The following ANTXR2 variants were observed in gnomAD, a reference collection of about 807,000 sequenced individuals.
The protein encoded by ANTXR2 is anthrax toxin receptor 2.
A neutral mutation model predicts 73.7 loss-of-function variants in ANTXR2; 44 were observed. The observed-to-expected ratio is 0.60, with a 90% CI of 0.47 to 0.77. The LOEUF (loss-of-function observed/expected upper bound fraction) is 0.77, where lower values mean the gene tolerates loss of function less well. Ranked by LOEUF, ANTXR2 falls within the 30% of genes least tolerant of loss-of-function variation. The pLI, the probability that ANTXR2 is intolerant of heterozygous loss-of-function variation, is 0.00. For synonymous variants in ANTXR2, 217 were observed against 205.9 expected, an observed-to-expected ratio of 1.05 and a Z score of -0.46; for missense variants, 604 against 592.5, an observed-to-expected ratio of 1.02 and a Z score of -0.20.
intron 12 of ANTXR2, among the ~76,000 whole-genome samples, chr4:80,007,711 T>C (rs1184681464): frequency 6.6e-6 from 1 of 152,024 alleles, no homozygotes. Context: ...GCTTTGCAGA[T>C]AGAGAAAGGG....
At chr4:79,987,877 T>C (rs746333210) in intron 12 of ANTXR2, among the ~76,000 whole-genome samples, 2 of 152,040 alleles carry the variant, frequency 1.3e-5, no homozygotes, top group Non-Finnish European at 2.9e-5. Flanking sequence ...CTAAGCTTCA[T>C]AAGTGAAGGG....
chr4:79,973,896 ATAT>A (rs1210932597), intron 16 of ANTXR2, among the ~76,000 whole-genome samples: 2 of 152,232 alleles, frequency 1.3e-5, no homozygotes, highest in African/African-American at 4.8e-5. Flanking sequence ...AAAATAATAA[ATAT>A]TATAAAAAAG....
At chr4:80,008,399 T>C in intron 12 of ANTXR2, 122 bp downstream of exon 12, 1 of 667,584 alleles carries the variant, frequency 1.5e-6, no homozygotes, top group Non-Finnish European at 2.4e-6. Context: ...GTGAAGACAA[T>C]TAAAATTCAT....
At position 79,904,256 on chromosome 4, in the gene ANTXR2, A is replaced by C. The variant is rs1411941289; in HGVS notation, c.*3173T>G. Reference sequence around the variant, plus strand: ...ACAAATATTGAATAATTTATTATTTAAATGGTTAGAATAAAGTTCAAGGGA... The same window carrying C: ...ACAAATATTGAATAATTTATTATTTCAATGGTTAGAATAAAGTTCAAGGGA... On this transcript the variant is annotated 3_prime_UTR_variant, in exon 17 of 17. Coordinates refer to ENST00000403729, the MANE Select transcript of ANTXR2 (RefSeq NM_058172.6). 1 of 152,132 alleles carries C rather than the reference A, an allele frequency of 6.6e-6. No homozygotes were observed. The highest frequency in any genetic ancestry group is 1.5e-5 in the Non-Finnish European group (1 of 67,994). 9.4% of individuals were successfully genotyped at this position (152,132 alleles called of 1,614,324 possible).
rs1370318876 is a variant in ANTXR2 at position 80,072,450 on chromosome 4, G to A, written c.111C>T (p.Pro37=). The A allele has an allele frequency of 3.1e-6, 5 of 1,607,748 alleles. No individual in the cohort carries two copies. Among genetic ancestry groups the A allele is most frequent in the Non-Finnish European group, 4.2e-6 (5 of 1,177,404 alleles). Residue 37 remains proline, a synonymous_variant, in exon 1 of 17, where the codon CCC becomes CCT. Transcript: ENST00000403729. Reference sequence around the variant, plus strand: ...AGAGATCAAAGGCTCTTCTGCAGGAGGGCTGCTCCTGGGCGCGCAGCAGCC... The same window carrying A: ...AGAGATCAAAGGCTCTTCTGCAGGAAGGCTGCTCCTGGGCGCGCAGCAGCC... ...PGGLLRAQEQ[P]SCRRAFDLYF... is the part of the protein sequence containing the mutation.
intron 16 of ANTXR2, among the ~76,000 whole-genome samples, chr4:79,926,225 G>A (rs13115036): frequency 0.22 from 34,180 of 152,028 alleles, 4,709 homozygotes; most frequent in East Asian, 0.7. Flanking sequence ...ACATGTTCTT[G>A]TGTATGTTTC....
At position 79,978,181 on chromosome 4, in the gene ANTXR2, A is replaced by G; in HGVS notation, c.1180-7T>C. ...CTTTATCACCCCAACGAACCTGTAA[A>G]ACAAAGGGAGAGTACTGTTATCAGA... On this transcript the variant is annotated splice_polypyrimidine_tract_variant and splice_region_variant and intron_variant, in intron 14 of 16. Coordinates refer to ENST00000403729, the MANE Select transcript of ANTXR2 (RefSeq NM_058172.6). The G allele has an allele frequency of 6.2e-7, 1 of 1,613,430 alleles. No homozygotes were observed. The highest frequency in any genetic ancestry group is 8.5e-7 in the Non-Finnish European group (1 of 1,179,614).
Position 80,018,949 on chromosome 4 carries a change from A to T in ANTXR2, c.894T>A (p.Asn298Lys). 1 of 1,515,184 alleles carries T rather than the reference A, an allele frequency of 6.6e-7. No individual in the cohort carries two copies. Among genetic ancestry groups the T allele is most frequent in the Non-Finnish European group, 8.8e-7 (1 of 1,134,422 alleles). The allele number at this position is 1,515,184 out of a possible 1,614,324, so 93.9% of individuals were successfully genotyped here. Residue 298 changes from asparagine to lysine, a missense_variant, in exon 11 of 17, where the codon AAT (asparagine) becomes AAA (lysine). By Grantham distance (94) the Asn-to-Lys change is moderately conservative. Coordinates refer to ENST00000403729, the MANE Select transcript of ANTXR2 (RefSeq NM_058172.6). The stretch of plus-strand genomic sequence containing the variant: ...ATCCTGAAATGACAGATTTTCCTCC[A>T]TTAAAGCTCACTGAAACATCAAGAG... ...GETLDVSVSFNGGKSVISGSL... is the reference protein window; with the variant it reads ...GETLDVSVSFKGGKSVISGSL...
intron 16 of ANTXR2, among the ~76,000 whole-genome samples, chr4:79,933,980 C>T (rs6847112): frequency 3.7e-4 from 57 of 152,054 alleles, no homozygotes; most frequent in East Asian, 9.7e-4. Flanking sequence ...CCTCGTGATC[C>T]GCCCGCCTCG....
chr4:79,907,655 G>T lies in ANTXR2; in HGVS notation c.1429-188C>A, dbSNP rs551466043. ...ATGGTTCATTCAGATCTTTTCCACA[G>T]TAAGTTCACCTATGAGATGGTATGG... On this transcript the variant is annotated intron_variant, in intron 16 of 16. Transcript: ENST00000403729. Among the ~76,000 whole-genome samples the T allele has an allele frequency of 1.4e-4, 21 of 151,930 alleles. No homozygotes were observed. In the South Asian group the frequency reaches 3.5e-3, roughly 26 times the overall value.
Position 80,056,101 on chromosome 4 carries a change from T to C in ANTXR2, c.297-88A>G, listed in dbSNP as rs116064763. 4.2e-4 allele frequency: 352 copies of C among 841,556 alleles called. 2 individuals are homozygous for C. The African/African-American group carries it at 6.0e-3, about 14-fold the overall frequency. 52.1% of individuals were successfully genotyped at this position (841,556 alleles called of 1,614,324 possible). A position where few individuals can be genotyped will look rare whatever the true frequency, so the allele number is the denominator to read the frequency against. The stretch of plus-strand genomic sequence containing the variant: ...TTAAAAAACATGGCAGTATTGTAAC[T>C]AAGCTTTCTTCAGTAGGAAGCAGAG... On this transcript the variant is annotated intron_variant, in intron 3 of 16. Coordinates refer to ENST00000403729, the MANE Select transcript of ANTXR2 (RefSeq NM_058172.6).
At chr4:79,954,448 A>C (rs986377287) in intron 16 of ANTXR2, among the ~76,000 whole-genome samples, 1 of 152,138 alleles carries the variant, frequency 6.6e-6, no homozygotes, top group South Asian at 2.1e-4. Flanking sequence ...AAGGGCCTAA[A>C]AATTTGTAAT....
At chr4:80,066,655 T>C (rs2110121195) in intron 3 of ANTXR2, among the ~76,000 whole-genome samples, 1 of 152,364 alleles carries the variant, frequency 6.6e-6, no homozygotes, top group Admixed American at 6.5e-5. Context: ...TGAAAACTTA[T>C]ATACCAGACT....
At chr4:80,008,109 A>G (rs1408685803) in intron 12 of ANTXR2, among the ~76,000 whole-genome samples, 1 of 152,214 alleles carries the variant, frequency 6.6e-6, no homozygotes, top group Non-Finnish European at 1.5e-5. Context: ...CAAACAGAGA[A>G]GGTCATGAAA....
At chr4:80,058,808 T>C (rs1734117260) in intron 3 of ANTXR2, among the ~76,000 whole-genome samples, 1 of 152,108 alleles carries the variant, frequency 6.6e-6, no homozygotes, top group Admixed American at 6.6e-5. Flanking sequence ...CTTCACTGAG[T>C]TTGGCTTTCA....
At chr4:80,044,423 A>T (rs1238289289) in intron 7 of ANTXR2, among the ~76,000 whole-genome samples, 1 of 151,974 alleles carries the variant, frequency 6.6e-6, no homozygotes, top group Non-Finnish European at 1.5e-5. Flanking sequence ...GGATATAGTT[A>T]TGGCCTTTTC....
rs1366121806 is a variant in ANTXR2, at chr4:79,902,988, A to G, written c.*4441T>C. 6.6e-6 allele frequency: 1 copy of G among 151,972 alleles called. No homozygotes were observed. 9.4% of individuals were successfully genotyped at this position (151,972 alleles called of 1,614,324 possible). A position where few individuals can be genotyped will look rare whatever the true frequency, so the allele number is the denominator to read the frequency against. ...AACATAGCGAAACCCCATTTCTACA[A>G]AAATACAAGAGTTAGCTGGGTGTGG... On this transcript the variant is annotated 3_prime_UTR_variant, in exon 17 of 17. Transcript: ENST00000403729.
At chr4:79,973,465 G>T (rs527459283) in intron 16 of ANTXR2, among the ~76,000 whole-genome samples, 16 of 151,868 alleles carry the variant, frequency 1.1e-4, no homozygotes, top group African/African-American at 3.6e-4. Flanking sequence ...GAGGGCAGTG[G>T]TGCGATCTCA....
intron 16 of ANTXR2, among the ~76,000 whole-genome samples, chr4:79,960,040 T>C (rs1578113004): frequency 6.6e-6 from 1 of 152,202 alleles, no homozygotes; most frequent in South Asian, 2.1e-4. Context: ...AACGTTTTAT[T>C]GAAATGTTTT....
Sources: allele counts gnomAD v4.1 joint callset (sites outside exome capture counted in the v4.1 genomes callset), GRCh38; gene constraint gnomAD v4.1.1; transcripts MANE v1.5; gene names NCBI Gene and HGNC (gene_info 2026-07-23, HGNC 2026-07-21).